Variants in CMKLR2 observed in about 807,000 individuals in gnomAD.
CMKLR2 encodes the protein chemerin-like receptor 2.
CMKLR2 carries 18 observed loss-of-function variants against 23.0 expected under a neutral mutation model. The ratio of observed to expected loss-of-function variants is 0.78; its 90% confidence interval spans 0.54 to 1.16. The LOEUF (loss-of-function observed/expected upper bound fraction) is 1.16, where lower values mean the gene tolerates loss of function less well. Ranked by LOEUF, CMKLR2 falls within the 50% of genes most tolerant of loss-of-function variation. The pLI is 0.00. For missense variants in CMKLR2, 401 were observed against 412.7 expected, an observed-to-expected ratio of 0.97 and a Z score of 0.25; for synonymous variants, 158 against 158.9, an observed-to-expected ratio of 0.99 and a Z score of 0.05.
chr2:206,199,580 T>A (rs1356929435), intron 1 of CMKLR2, among the ~76,000 whole-genome samples: 1 of 151,828 alleles, frequency 6.6e-6, no homozygotes, highest in East Asian at 1.9e-4. Context: ...CTTAGCCTAT[T>A]TTGTATTACG....
At chr2:206,190,794 C>A (rs781413658) in intron 1 of CMKLR2, among the ~76,000 whole-genome samples, 5 of 152,144 alleles carry the variant, frequency 3.3e-5, no homozygotes, top group Non-Finnish European at 1.5e-5. Context: ...ATGCTGAGAT[C>A]GAATTCTTGT....
rs746582947 is a variant in CMKLR2 at position 206,176,680 on chromosome 2, T to C, written c.568A>G (p.Asn190Asp). The C allele has an allele frequency of 2.3e-5, 37 of 1,614,000 alleles. No homozygotes were observed. Among genetic ancestry groups the C allele is most frequent in the Admixed American group, 8.3e-5 (5 of 59,984 alleles). ...EFNNHTLCYN[N>D]FQKHDPDLTL... ...AGGTCAGGATCATGCTTCTGAAAAT[T>C]GTTATAGCAAAGAGTATGATTATTG... Residue 190 changes from asparagine to aspartate, a missense_variant, in exon 2 of 2, where the codon AAT becomes GAT. Transcript: ENST00000621141.
chr2:206,190,875 C>T lies in CMKLR2; in HGVS notation c.-28-13600G>A, dbSNP rs1420369096. ...TCACTTTGACAGTTTGAAAAGAGAACACAGCACATGTACCGGAAGTCAACG... is the reference window on the plus strand; with the variant it reads ...TCACTTTGACAGTTTGAAAAGAGAATACAGCACATGTACCGGAAGTCAACG... On this transcript the variant is annotated intron_variant, in intron 1 of 1. Transcript: ENST00000621141. Among the ~76,000 whole-genome samples, 7 of 152,280 alleles carry T rather than the reference C, an allele frequency of 4.6e-5. No individual in the cohort carries two copies. In the East Asian group the frequency reaches 9.6e-4, roughly 21 times the overall value.
intron 1 of CMKLR2, among the ~76,000 whole-genome samples, chr2:206,179,054 C>CGTTTTTTTTTTTTTTTTTTTT (rs1559082864): frequency 1.6e-5 from 2 of 123,654 alleles, no homozygotes; most frequent in African/African-American, 5.8e-5. Context: ...GCTCCCTGTC[C>CGTTTTTTTTTTTTTTTTTTTT]CTTTTTTTTT....
At chr2:206,202,502 C>T (rs1277307121) in intron 1 of CMKLR2, among the ~76,000 whole-genome samples, 5 of 152,104 alleles carry the variant, frequency 3.3e-5, no homozygotes, top group African/African-American at 1.2e-4. Context: ...GCTCAGTTGC[C>T]CAGACTGGAG....
chr2:206,191,676 T>C (rs1046670969), intron 1 of CMKLR2, among the ~76,000 whole-genome samples: 1 of 150,620 alleles, frequency 6.6e-6, no homozygotes, highest in African/African-American at 2.4e-5. Flanking sequence ...TTTCTTTTTT[T>C]TTTTTTTTTT....
intron 1 of CMKLR2, among the ~76,000 whole-genome samples, chr2:206,185,596 T>G (rs1236738708): frequency 6.6e-6 from 1 of 152,178 alleles, no homozygotes; most frequent in Non-Finnish European, 1.5e-5. Flanking sequence ...CAATCTGATT[T>G]TTGTTATAGA....
At chr2:206,179,989 G>A (rs1447319472) in intron 1 of CMKLR2, among the ~76,000 whole-genome samples, 1 of 152,082 alleles carries the variant, frequency 6.6e-6, no homozygotes. Context: ...GCAAAAAACA[G>A]AAGCAATTTA....
chr2:206,190,795 G>A (rs1198503819), intron 1 of CMKLR2, among the ~76,000 whole-genome samples: 1 of 152,146 alleles, frequency 6.6e-6, no homozygotes, highest in African/African-American at 2.4e-5. Flanking sequence ...TGCTGAGATC[G>A]AATTCTTGTC....
intron 1 of CMKLR2, among the ~76,000 whole-genome samples, chr2:206,189,229 A>G (rs1248976562): frequency 6.6e-6 from 1 of 152,222 alleles, no homozygotes; most frequent in Non-Finnish European, 1.5e-5. Flanking sequence ...TTGCCTGTGT[A>G]GAGTTCCTCA....
intron 1 of CMKLR2, chr2:206,203,432 AGGG>A (rs1484126635): frequency 6.6e-6 from 1 of 150,902 alleles, no homozygotes; most frequent in Admixed American, 6.6e-5. Flanking sequence ...TTCCACCTCC[AGGG>A]GAGGACTGGG....
chr2:206,176,811 T>C lies in CMKLR2; in HGVS notation c.437A>G (p.His146Arg), dbSNP rs765670533. ...AGAGTTCTTGAGGGTTCGATGCCGATGAGATAAGACAGGATGGATCAAGTG... is the reference window on the plus strand; with the variant it reads ...AGAGTTCTTGAGGGTTCGATGCCGACGAGATAAGACAGGATGGATCAAGTG... The part of the protein sequence containing the change: ...YIHLIHPVLS[H>R]RHRTLKNSLI... Residue 146 changes from histidine (H) to arginine (R), a missense_variant, in exon 2 of 2, where the codon CAT becomes CGT. His to Arg is a conservative substitution (Grantham distance 29). Transcript: ENST00000621141. 8.1e-6 allele frequency: 13 copies of C among 1,613,812 alleles called. No homozygotes were observed. In the South Asian group the frequency reaches 1.2e-4, roughly 15 times the overall value.
chr2:206,211,711 C>T (rs13390940), intron 1 of CMKLR2, among the ~76,000 whole-genome samples: 8 of 150,594 alleles, frequency 5.3e-5, no homozygotes, highest in African/African-American at 2.0e-4. Flanking sequence ...CTCCTATTCT[C>T]CTATTAAGAT....
intron 1 of CMKLR2, among the ~76,000 whole-genome samples, chr2:206,210,687 C>T (rs1236348520): frequency 6.6e-6 from 1 of 152,034 alleles, no homozygotes; most frequent in African/African-American, 2.4e-5. Context: ...TCTCAAACTC[C>T]CGAACTCAGG....
At chr2:206,209,383 CTTTTA>C (rs1015481753) in intron 1 of CMKLR2, among the ~76,000 whole-genome samples, 1 of 150,760 alleles carries the variant, frequency 6.6e-6, no homozygotes, top group African/African-American at 2.4e-5. Flanking sequence ...GTTTTTTCAA[CTTTTA>C]TTTTAAGTTC....
chr2:206,200,879 T>C (rs1216652617), intron 1 of CMKLR2, among the ~76,000 whole-genome samples: 1 of 152,266 alleles, frequency 6.6e-6, no homozygotes, highest in Non-Finnish European at 1.5e-5. Context: ...TTTGTTCTCA[T>C]CACAGATTTT....
chr2:206,185,912 A>T (rs1415047330), intron 1 of CMKLR2, among the ~76,000 whole-genome samples: 4 of 152,112 alleles, frequency 2.6e-5, no homozygotes, highest in Non-Finnish European at 1.5e-5. Context: ...TAGAATATAG[A>T]TGCAGTGATG....
intron 1 of CMKLR2, among the ~76,000 whole-genome samples, chr2:206,194,512 G>A (rs912641425): frequency 6.9e-6 from 1 of 144,140 alleles, no homozygotes; most frequent in Non-Finnish European, 1.5e-5. Flanking sequence ...AGGCTGGAGT[G>A]CAGTGGCGTA....
At chr2:206,202,644 T>G (rs561181262) in intron 1 of CMKLR2, among the ~76,000 whole-genome samples, 1 of 147,582 alleles carries the variant, frequency 6.8e-6, no homozygotes, top group East Asian at 2.2e-4. Flanking sequence ...TAAGGCTGGA[T>G]GGCGTCATAG....
Sources: allele counts gnomAD v4.1 joint callset (sites outside exome capture counted in the v4.1 genomes callset), GRCh38; gene constraint gnomAD v4.1.1; transcripts MANE v1.5; gene names NCBI Gene and HGNC (gene_info 2026-07-23, HGNC 2026-07-21).